The following TRAPPC3L variants were observed in gnomAD, a reference collection of about 807,000 sequenced individuals.
The protein encoded by TRAPPC3L is trafficking protein particle complex subunit 3L.
In TRAPPC3L, 23 loss-of-function variants were observed where a neutral mutation model predicts 23.7. The ratio of observed to expected loss-of-function variants is 0.97; its 90% confidence interval spans 0.70 to 1.37. The LOEUF (loss-of-function observed/expected upper bound fraction) is 1.37, where lower values mean the gene tolerates loss of function less well. Among genes scored for constraint, TRAPPC3L ranks in the 40% most tolerant of loss-of-function variants. TRAPPC3L has a pLI of 0.00. For missense variants in TRAPPC3L, 212 were observed against 216.8 expected (o/e 0.98, Z 0.14); for synonymous variants, 81 against 77.9 (o/e 1.04, Z -0.21).
chr6:116,525,275 T>A (rs995576819), intron 3 of TRAPPC3L, among the ~76,000 whole-genome samples: 6 of 152,166 alleles, frequency 3.9e-5, no homozygotes, highest in African/African-American at 1.4e-4. Flanking sequence ...GGAATAGAGG[T>A]CTATCTCCAA....
intron 3 of TRAPPC3L, among the ~76,000 whole-genome samples, chr6:116,533,048 C>T (rs532700208): frequency 1.1e-4 from 17 of 152,342 alleles, no homozygotes; most frequent in African/African-American, 4.1e-4. Context: ...CCAGCTACAT[C>T]TTTCACTGGG....
intron 3 of TRAPPC3L, among the ~76,000 whole-genome samples, chr6:116,531,918 T>C (rs1772752571): frequency 6.6e-6 from 1 of 150,584 alleles, no homozygotes; most frequent in African/African-American, 2.4e-5. Context: ...TAATAAACAA[T>C]AATGGAAAAA....
chr6:116,500,362 T>C (rs1175830233), intron 4 of TRAPPC3L, 119 bp downstream of exon 4: 6 of 917,108 alleles, frequency 6.5e-6, no homozygotes, highest in Non-Finnish European at 7.9e-6. Context: ...GGGTAATTTG[T>C]AACACACCAT....
chr6:116,511,837 T>C (rs1301722018), intron 3 of TRAPPC3L: 2 of 1,614,110 alleles, frequency 1.2e-6, no homozygotes, highest in South Asian at 1.1e-5. Flanking sequence ...GCACTGAGAA[T>C]ATGACCTATG....
chr6:116,524,772 AG>A (rs1257928470), intron 3 of TRAPPC3L: 12 of 152,162 alleles, frequency 7.9e-5, no homozygotes, highest in Non-Finnish European at 1.3e-4. Context: ...TCAATAAAAA[AG>A]TTGGAAAATT....
At chr6:116,526,748 GTT>G (rs1180410608) in intron 3 of TRAPPC3L, among the ~76,000 whole-genome samples, 4 of 152,074 alleles carry the variant, frequency 2.6e-5, no homozygotes, top group Non-Finnish European at 4.4e-5. Context: ...TTGCTTTAGA[GTT>G]TTGTTTCCCA....
At position 116,545,465 on chromosome 6, in the gene TRAPPC3L, G is replaced by A. The variant is rs1417066992; in HGVS notation, c.42+8C>T. The A allele has an allele frequency of 7.1e-6, 11 of 1,542,352 alleles. No homozygotes were observed. The highest frequency in any genetic ancestry group is 6.0e-5 in the Admixed American group (3 of 50,006). ...AGTAGAAAAAATCTCTTTGTAGAAA[G>A]ATCTTACTATTTTATGGTATTCTGG... On this transcript the variant is annotated splice_region_variant and intron_variant, in intron 1 of 4. Transcript: ENST00000368602.
At position 116,496,835 on chromosome 6, in the gene TRAPPC3L, G is replaced by T; in HGVS notation, c.*119C>A. On this transcript the variant is annotated 3_prime_UTR_variant, in exon 5 of 5. Transcript: ENST00000368602. ...TTCATGCCCTGCATTTCAAATTTCT[G>T]GCTGATTTATAAACCTTTCAAAGCT... 1 of 1,327,172 alleles carries T rather than the reference G, an allele frequency of 7.5e-7. No individual in the cohort carries two copies. The highest frequency in any genetic ancestry group is 9.8e-7 in the Non-Finnish European group (1 of 1,020,326). The allele number at this position is 1,327,172 out of a possible 1,614,324, so 82.2% of individuals were successfully genotyped here.
chr6:116,536,711 GGT>G (rs1773116663), intron 3 of TRAPPC3L, among the ~76,000 whole-genome samples: 1 of 152,102 alleles, frequency 6.6e-6, no homozygotes, highest in Non-Finnish European at 1.5e-5. Flanking sequence ...GGATGATGAT[GGT>G]GTTCGGTAGA....
intron 3 of TRAPPC3L, among the ~76,000 whole-genome samples, chr6:116,533,789 C>T (rs1484774375): frequency 6.6e-6 from 1 of 152,184 alleles, no homozygotes; most frequent in Non-Finnish European, 1.5e-5. Context: ...TTGGCTTGCT[C>T]CTGCTGTGAA....
At chr6:116,499,126 C>T (rs998782012) in intron 4 of TRAPPC3L, among the ~76,000 whole-genome samples, 18 of 152,170 alleles carry the variant, frequency 1.2e-4, no homozygotes, top group African/African-American at 4.1e-4. Context: ...TGGTTTTGTT[C>T]CTCTTGGTTT....
intron 3 of TRAPPC3L, among the ~76,000 whole-genome samples, chr6:116,536,549 G>A (rs1381054382): frequency 2.0e-5 from 3 of 152,142 alleles, no homozygotes; most frequent in African/African-American, 7.2e-5. Context: ...TAACTCAGAG[G>A]GAGGGATCAC....
chr6:116,511,514 G>T, intron 3 of TRAPPC3L: 1 of 595,552 alleles, frequency 1.7e-6, no homozygotes, highest in Non-Finnish European at 2.9e-6. Flanking sequence ...ACCAGTAGGA[G>T]GCATTATCTA....
intron 3 of TRAPPC3L, among the ~76,000 whole-genome samples, chr6:116,530,168 G>GA (rs531357255): frequency 6.7e-5 from 10 of 148,896 alleles, no homozygotes; most frequent in East Asian, 3.9e-4. Flanking sequence ...AATATAATTA[G>GA]AAAAAAAAAG....
At chr6:116,506,340 C>A (rs6635999) in intron 3 of TRAPPC3L, among the ~76,000 whole-genome samples, 1 of 152,126 alleles carries the variant, frequency 6.6e-6, no homozygotes, top group Non-Finnish European at 1.5e-5. Flanking sequence ...GTTAGAATGG[C>A]GATCATCAAA....
At chr6:116,503,479 T>C (rs1045813116) in intron 3 of TRAPPC3L, among the ~76,000 whole-genome samples, 4 of 152,090 alleles carry the variant, frequency 2.6e-5, no homozygotes, top group African/African-American at 9.7e-5. Context: ...GACAGAAAAT[T>C]AACAAGGATA....
chr6:116,540,606 C>A, intron 2 of TRAPPC3L, 144 bp from the exon 3 acceptor site: 1 of 745,406 alleles, frequency 1.3e-6, no homozygotes, highest in South Asian at 1.8e-5. Context: ...TGGCTTTTGG[C>A]TGTGGGCTTC....
intron 3 of TRAPPC3L, among the ~76,000 whole-genome samples, chr6:116,508,840 A>T (rs1182572298): frequency 1.3e-5 from 2 of 152,186 alleles, no homozygotes; most frequent in Non-Finnish European, 2.9e-5. Flanking sequence ...CATCCATAGC[A>T]ATCAGGCAAG....
At chr6:116,536,298 A>G (rs2115214963) in intron 3 of TRAPPC3L, among the ~76,000 whole-genome samples, 1 of 152,328 alleles carries the variant, frequency 6.6e-6, no homozygotes, top group East Asian at 1.9e-4. Flanking sequence ...TTTGGCCATT[A>G]TCATGGGATT....
Sources: allele counts gnomAD v4.1 joint callset (sites outside exome capture counted in the v4.1 genomes callset), GRCh38; gene constraint gnomAD v4.1.1; transcripts MANE v1.5; gene names NCBI Gene and HGNC (gene_info 2026-07-23, HGNC 2026-07-21).